CNTN3: variants seen among roughly 807,000 people sequenced by gnomAD.
CNTN3 encodes the protein contactin-3.
Under a neutral mutation model 119.1 loss-of-function variants are expected in CNTN3, and 60 were observed. That is an observed-to-expected ratio of 0.50 (90% CI 0.41 to 0.62). The LOEUF is 0.62. Among genes scored for constraint, CNTN3 ranks in the 20% least tolerant of loss-of-function variants. The pLI, the probability that CNTN3 is intolerant of heterozygous loss-of-function variation, is 0.00. For missense variants in CNTN3, 1,101 were observed against 1,242.4 expected (o/e 0.89, Z 1.71); for synonymous variants, 450 against 438.7 (o/e 1.03, Z -0.32).
At chr3:74,584,105 C>T (rs143875874) in intron 1 of CNTN3, among the ~76,000 whole-genome samples, 65 of 152,200 alleles carry the variant, frequency 4.3e-4, no homozygotes, top group South Asian at 1.7e-3. Context: ...CTAATATTAA[C>T]GAAAATATTG....
In CNTN3 at chr3:74,499,805, C is replaced by A; in HGVS notation, c.56-20G>T. 1 of 1,567,544 alleles carries A rather than the reference C, an allele frequency of 6.4e-7. No homozygotes were observed. The highest frequency in any genetic ancestry group is 8.6e-7 in the Non-Finnish European group (1 of 1,163,486). On this transcript the variant is annotated intron_variant, in intron 2 of 22. Transcript: ENST00000263665. Reference sequence around the variant, plus strand: ...GCTCACCTATATGGGTGGGAGACATCCAAAAAATAATAATCAGTAAAAGGC... The same window carrying A: ...GCTCACCTATATGGGTGGGAGACATACAAAAAATAATAATCAGTAAAAGGC...
At chr3:74,354,690 G>T (rs1703896562) in intron 11 of CNTN3, among the ~76,000 whole-genome samples, 1 of 151,840 alleles carries the variant, frequency 6.6e-6, no homozygotes, top group African/African-American at 2.4e-5. Context: ...CCCAATATTG[G>T]ACTGTATAAT....
intron 5 of CNTN3, among the ~76,000 whole-genome samples, chr3:74,389,053 G>A (rs1704828234): frequency 6.6e-6 from 1 of 152,152 alleles, no homozygotes; most frequent in Non-Finnish European, 1.5e-5. Flanking sequence ...TTGTGTGCAA[G>A]TTACTGAGAG....
chr3:74,343,007 C>G (rs1479205817), intron 11 of CNTN3, among the ~76,000 whole-genome samples: 1 of 152,152 alleles, frequency 6.6e-6, no homozygotes, highest in Non-Finnish European at 1.5e-5. Flanking sequence ...AAGAAAACTT[C>G]AAAGGGGATA....
intron 4 of CNTN3, among the ~76,000 whole-genome samples, chr3:74,445,236 T>C (rs142348263): frequency 1.8e-3 from 269 of 152,198 alleles, no homozygotes; most frequent in Middle Eastern, 0.01. Context: ...TATAGAAACA[T>C]TGTAACTACT....
intron 11 of CNTN3, among the ~76,000 whole-genome samples, chr3:74,360,205 A>T (rs2106768721): frequency 6.6e-6 from 1 of 152,300 alleles, no homozygotes; most frequent in East Asian, 1.9e-4. Flanking sequence ...GTGCAATCTG[A>T]TGCTGTGATA....
At chr3:74,398,312 AC>A (rs1705106629) in intron 5 of CNTN3, among the ~76,000 whole-genome samples, 1 of 152,170 alleles carries the variant, frequency 6.6e-6, no homozygotes, top group Non-Finnish European at 1.5e-5. Context: ...CGTGATCACC[AC>A]CCTGATCAGT....
intron 1 of CNTN3, among the ~76,000 whole-genome samples, chr3:74,610,157 T>C (rs1485739637): frequency 1.3e-5 from 2 of 151,942 alleles, no homozygotes; most frequent in Non-Finnish European, 2.9e-5. Flanking sequence ...TTCCCATCTC[T>C]ACAAAAAATC....
At chr3:74,398,959 G>A (rs1409738802) in intron 5 of CNTN3, among the ~76,000 whole-genome samples, 1 of 152,120 alleles carries the variant, frequency 6.6e-6, no homozygotes, top group Admixed American at 6.5e-5. Flanking sequence ...AATGTTTAGT[G>A]ATCGGATCAA....
chr3:74,326,014 T>A (rs1703120580), intron 13 of CNTN3, among the ~76,000 whole-genome samples: 2 of 152,186 alleles, frequency 1.3e-5, no homozygotes. Context: ...TAAACTGAGA[T>A]CTGATTGGTA....
At chr3:74,465,126 C>T (rs1702438010) in intron 4 of CNTN3, among the ~76,000 whole-genome samples, 1 of 152,172 alleles carries the variant, frequency 6.6e-6, no homozygotes, top group Non-Finnish European at 1.5e-5. Flanking sequence ...CCCTAAGAAC[C>T]TTCTGACAAT....
intron 3 of CNTN3, among the ~76,000 whole-genome samples, chr3:74,487,123 C>T (rs1439178213): frequency 6.6e-6 from 1 of 152,154 alleles, no homozygotes; most frequent in Non-Finnish European, 1.5e-5. Flanking sequence ...GAGGCATTCT[C>T]CACTTTTTTA....
At position 74,449,899 on chromosome 3, in the gene CNTN3, C is replaced by G. The variant is rs147864048; in HGVS notation, c.359-24959G>C. ...GAAGCAAAAGAAGTATTTTAATGTT[C>G]TGGACCATAAGGCAATTTAATGATA... On this transcript the variant is annotated intron_variant, in intron 4 of 22. Coordinates refer to ENST00000263665, the MANE Select transcript of CNTN3 (RefSeq NM_020872.3). 6.9e-3 allele frequency among the ~76,000 whole-genome samples: 1,049 copies of G among 152,184 alleles called. 16 individuals are homozygous for G. Among genetic ancestry groups the G allele is most frequent in the African/African-American group, 0.024 (1,003 of 41,540 alleles).
intron 1 of CNTN3, among the ~76,000 whole-genome samples, chr3:74,535,607 C>T (rs1352353852): frequency 6.6e-6 from 1 of 152,086 alleles, no homozygotes; most frequent in African/African-American, 2.4e-5. Context: ...GCACATCCAA[C>T]TCAGCCTTGA....
At chr3:74,504,441 G>GA (rs1266887804) in intron 2 of CNTN3, among the ~76,000 whole-genome samples, 1 of 152,036 alleles carries the variant, frequency 6.6e-6, no homozygotes, top group Non-Finnish European at 1.5e-5. Context: ...TATTCTTTAG[G>GA]AAAAAACTTT....
intron 1 of CNTN3, among the ~76,000 whole-genome samples, chr3:74,574,546 A>G (rs1349290353): frequency 6.6e-6 from 1 of 152,196 alleles, no homozygotes; most frequent in Non-Finnish European, 1.5e-5. Flanking sequence ...AATAAAACAC[A>G]AAGCCATCTA....
chr3:74,413,392 A>T (rs1430486787), intron 5 of CNTN3, among the ~76,000 whole-genome samples: 2 of 152,162 alleles, frequency 1.3e-5, no homozygotes, highest in Non-Finnish European at 1.5e-5. Flanking sequence ...AAATATCTCC[A>T]TGTGTTTCAT....
At chr3:74,405,783 A>T (rs1290505341) in intron 5 of CNTN3, among the ~76,000 whole-genome samples, 1 of 152,106 alleles carries the variant, frequency 6.6e-6, no homozygotes, top group Non-Finnish European at 1.5e-5. Context: ...TTTTATAATG[A>T]CTATGGCTAG....
At chr3:74,542,031 G>A (rs1703849439) in intron 1 of CNTN3, among the ~76,000 whole-genome samples, 1 of 151,866 alleles carries the variant, frequency 6.6e-6, no homozygotes, top group South Asian at 2.1e-4. Flanking sequence ...CCAGGAGTTT[G>A]AGACTAGCCT....
Sources: allele counts gnomAD v4.1 joint callset (sites outside exome capture counted in the v4.1 genomes callset), GRCh38; gene constraint gnomAD v4.1.1; transcripts MANE v1.5; gene names NCBI Gene and HGNC (gene_info 2026-07-23, HGNC 2026-07-21).